Variants in CACUL1 observed in about 807,000 individuals in gnomAD.
CACUL1 encodes the protein CDK2 associated cullin domain 1, also known as CDK2-associated and cullin domain-containing protein 1.
Under a neutral mutation model 45.2 loss-of-function variants are expected in CACUL1, and 13 were observed. The ratio of observed to expected loss-of-function variants is 0.29; its 90% confidence interval spans 0.19 to 0.46. The LOEUF is 0.46. CACUL1 is among the 20% of genes least tolerant of loss of function. The pLI is 1.00. For missense variants in CACUL1, 421 were observed against 471.4 expected (o/e 0.89, Z 0.99); for synonymous variants, 197 against 174.2 (o/e 1.13, Z -1.03).
rs1589600234 is a variant in CACUL1, at chr10:118,686,628, G to A, written c.1039C>T (p.Arg347Trp). The A allele has an allele frequency of 6.2e-6, 10 of 1,613,050 alleles. No individual in the cohort carries two copies. The highest frequency in any genetic ancestry group is 1.3e-5 in the African/African-American group (1 of 74,860). Reference sequence around the variant, plus strand: ...GCCAACTCATCCCCAGCTCTCTTCCGGGACTGGTCACCCCTGGGGATAAGA... The same window carrying A: ...GCCAACTCATCCCCAGCTCTCTTCCAGGACTGGTCACCCCTGGGGATAAGA... ...QNGFTRGDQS[R>W]KRAGDELAYN... Residue 347 changes from arginine to tryptophan, a missense_variant, in exon 8 of 9, where the codon CGG (arginine) becomes TGG (tryptophan). This residue lies in a region of CACUL1 where 208 missense variants were observed against 298.4 expected (regional missense o/e 0.70). Transcript: ENST00000369151.
chr10:118,713,049 C>A (rs1167721048), intron 3 of CACUL1, among the ~76,000 whole-genome samples: 2 of 152,246 alleles, frequency 1.3e-5, no homozygotes, highest in African/African-American at 4.8e-5. Context: ...CCAAGGGGCG[C>A]CTGCAGGCCA....
intron 3 of CACUL1, among the ~76,000 whole-genome samples, chr10:118,716,540 T>C (rs1324392316): frequency 6.6e-6 from 1 of 152,090 alleles, no homozygotes. Context: ...GCACGGATAC[T>C]TCTAATTCAG....
rs1255424694 is a variant in CACUL1 at position 118,678,819 on chromosome 10, ATGTGTTTTATGTATG to A, written c.*7294_*7308del. On this transcript the variant is annotated 3_prime_UTR_variant, in exon 9 of 9. Transcript: ENST00000369151. Reference sequence around the variant, plus strand: ...ACTTATTTTCCTACTGAAGGGTACAATGTGTTTTATGTATGTGTGTGTTATGTATCTGTCAGATCA... The same window carrying A: ...ACTTATTTTCCTACTGAAGGGTACAATGTGTGTTATGTATCTGTCAGATCA... 2 of 152,138 alleles carry A rather than the reference ATGTGTTTTATGTATG, an allele frequency of 1.3e-5. No individual in the cohort carries two copies. Among genetic ancestry groups the A allele is most frequent in the Non-Finnish European group, 1.5e-5 (1 of 68,032 alleles). 9.4% of individuals were successfully genotyped at this position (152,138 alleles called of 1,614,324 possible). A position where few individuals can be genotyped will look rare whatever the true frequency, so the allele number is the denominator to read the frequency against.
intron 2 of CACUL1, 70 bp downstream of exon 2, chr10:118,730,214 G>C: frequency 6.8e-7 from 1 of 1,473,648 alleles, no homozygotes; most frequent in Non-Finnish European, 9.5e-7. Context: ...ATGTTTGTGT[G>C]AGGCATAATT....
chr10:118,739,683 A>G (rs556144056), intron 1 of CACUL1, among the ~76,000 whole-genome samples: 3 of 152,342 alleles, frequency 2.0e-5, no homozygotes, highest in African/African-American at 7.2e-5. Flanking sequence ...AATCATTCCA[A>G]GTATCTGGGA....
intron 3 of CACUL1, among the ~76,000 whole-genome samples, chr10:118,725,909 T>A (rs12253480): frequency 6.6e-6 from 1 of 152,044 alleles, no homozygotes. Flanking sequence ...AGGATATGCC[T>A]TGGGATAAAA....
At chr10:118,725,405 C>T (rs1294301913) in intron 3 of CACUL1, among the ~76,000 whole-genome samples, 2 of 152,082 alleles carry the variant, frequency 1.3e-5, no homozygotes, top group South Asian at 2.1e-4. Context: ...GAGGTCAAGG[C>T]TGCAGTGAGC....
chr10:118,703,333 T>G (rs1250461215), intron 4 of CACUL1, among the ~76,000 whole-genome samples: 1 of 151,974 alleles, frequency 6.6e-6, no homozygotes, highest in Non-Finnish European at 1.5e-5. Flanking sequence ...AAAATACTAG[T>G]GTGAAAATAT....
At position 118,683,657 on chromosome 10, in the gene CACUL1, T is replaced by G. The variant is rs1330757793; in HGVS notation, c.*2471A>C. The stretch of plus-strand genomic sequence containing the variant: ...TTGCAGTGAGCTGAGATTGCACCAC[T>G]GCACTCCAGCCTGGGTGAGAGAGTG... On this transcript the variant is annotated 3_prime_UTR_variant, in exon 9 of 9. Transcript: ENST00000369151. 1.3e-5 allele frequency: 2 copies of G among 152,100 alleles called. No homozygotes were observed. Among genetic ancestry groups the G allele is most frequent in the Non-Finnish European group, 2.9e-5 (2 of 68,032 alleles). The allele number at this position is 152,100 out of a possible 1,614,324, so 9.4% of individuals were successfully genotyped here. A position where few individuals can be genotyped will look rare whatever the true frequency, so the allele number is the denominator to read the frequency against.
intron 1 of CACUL1, among the ~76,000 whole-genome samples, chr10:118,738,705 A>G (rs1845762939): frequency 6.6e-6 from 1 of 151,986 alleles, no homozygotes; most frequent in African/African-American, 2.4e-5. Flanking sequence ...AAATATGGAT[A>G]GACAACTAAG....
intron 3 of CACUL1, among the ~76,000 whole-genome samples, chr10:118,708,202 T>C (rs1046795119): frequency 1.3e-5 from 2 of 150,524 alleles, no homozygotes; most frequent in Non-Finnish European, 3.0e-5. Context: ...TTAAAAACTA[T>C]TACTGAATTA....
intron 1 of CACUL1, among the ~76,000 whole-genome samples, chr10:118,734,579 G>A (rs1047307138): frequency 6.6e-6 from 1 of 152,090 alleles, no homozygotes; most frequent in South Asian, 2.1e-4. Context: ...ATACCTACAG[G>A]AGCCACGCTA....
chr10:118,692,566 G>A (rs1175138086), intron 6 of CACUL1: 2 of 152,062 alleles, frequency 1.3e-5, no homozygotes, highest in Admixed American at 6.5e-5. Flanking sequence ...AAGGGCATGG[G>A]GAAACCAGTA....
At chr10:118,713,471 G>A (rs1845512428) in intron 3 of CACUL1, among the ~76,000 whole-genome samples, 1 of 152,050 alleles carries the variant, frequency 6.6e-6, no homozygotes, top group Admixed American at 6.6e-5. Flanking sequence ...GCAGCGTGAT[G>A]GCAGTGGCCA....
intron 1 of CACUL1, among the ~76,000 whole-genome samples, chr10:118,749,994 G>A (rs535327370): frequency 1.3e-5 from 2 of 152,176 alleles, no homozygotes; most frequent in South Asian, 4.1e-4. Flanking sequence ...ATCTCTGTGG[G>A]AACTATAGAA....
chr10:118,719,249 T>C (rs986241507), intron 3 of CACUL1, among the ~76,000 whole-genome samples: 3 of 152,242 alleles, frequency 2.0e-5, no homozygotes, highest in Non-Finnish European at 2.9e-5. Flanking sequence ...AAGTACAACG[T>C]TGGCATTTTT....
At chr10:118,701,511 CAATT>C (rs1486819665) in intron 4 of CACUL1, 103 bp from the exon 5 acceptor site, 1 of 521,822 alleles carries the variant, frequency 1.9e-6, no homozygotes, top group East Asian at 3.1e-5. Flanking sequence ...ATAAAGGCAT[CAATT>C]AAAGCAGAAA....
At chr10:118,696,660 C>T (rs1007343907) in intron 5 of CACUL1, among the ~76,000 whole-genome samples, 5 of 152,150 alleles carry the variant, frequency 3.3e-5, no homozygotes, top group Non-Finnish European at 5.9e-5. Flanking sequence ...AAAAAGTTTA[C>T]GAATTTGTGT....
At chr10:118,712,291 A>G (rs1432158950) in intron 3 of CACUL1, among the ~76,000 whole-genome samples, 1 of 152,190 alleles carries the variant, frequency 6.6e-6, no homozygotes, top group Non-Finnish European at 1.5e-5. Context: ...AGGGCAAGTC[A>G]GTACGTGGTG....
Sources: gnomAD v4.1 joint callset for allele counts (sites outside exome capture counted in the v4.1 genomes callset) on GRCh38, gnomAD v4.1.1 for gene constraint, gnomAD v4.1.1 regional missense constraint, MANE v1.5 for transcripts, NCBI Gene and HGNC (gene_info 2026-07-23, HGNC 2026-07-21) for gene names.